CHL1: variants seen among roughly 807,000 people sequenced by gnomAD.
CHL1 encodes cell adhesion molecule L1 like.
A neutral mutation model predicts 141.9 loss-of-function variants in CHL1; 96 were observed. That is an observed-to-expected ratio of 0.68 (90% CI 0.57 to 0.80). The LOEUF (loss-of-function observed/expected upper bound fraction) is 0.80, where lower values mean the gene tolerates loss of function less well. Ranked by LOEUF, CHL1 falls within the 30% of genes least tolerant of loss-of-function variation. The pLI is 0.00. For missense variants in CHL1, 1,820 were observed against 1,457.2 expected (o/e 1.25, Z -4.05); for synonymous variants, 613 against 502.2 (o/e 1.22, Z -2.95).
chr3:337,477 A>G (rs1701983368), intron 5 of CHL1, among the ~76,000 whole-genome samples: 1 of 151,570 alleles, frequency 6.6e-6, no homozygotes, highest in Non-Finnish European at 1.5e-5. Flanking sequence ...TTAACTCATC[A>G]TTTACATTAG....
At chr3:257,950 T>C (rs1325210171) in intron 2 of CHL1, among the ~76,000 whole-genome samples, 2 of 152,178 alleles carry the variant, frequency 1.3e-5, no homozygotes, top group Non-Finnish European at 1.5e-5. Context: ...AAGGAGAAGA[T>C]GGAATCTGGA....
chr3:336,194 C>G (rs1220525729), intron 5 of CHL1, among the ~76,000 whole-genome samples: 1 of 152,036 alleles, frequency 6.6e-6, no homozygotes, highest in Non-Finnish European at 1.5e-5. Flanking sequence ...GTAACACATG[C>G]TACAGATGAG....
chr3:274,656 A>G (rs1695931910), intron 2 of CHL1, among the ~76,000 whole-genome samples: 1 of 152,244 alleles, frequency 6.6e-6, no homozygotes, highest in Non-Finnish European at 1.5e-5. Context: ...AGCAGCATAC[A>G]GTGTGATGCT....
intron 2 of CHL1, among the ~76,000 whole-genome samples, chr3:275,198 T>G (rs1695980110): frequency 6.6e-6 from 1 of 152,188 alleles, no homozygotes; most frequent in Non-Finnish European, 1.5e-5. Context: ...AGCTGCTAAG[T>G]GGTAGGGGTC....
At chr3:289,859 C>T (rs539025949) in intron 2 of CHL1, among the ~76,000 whole-genome samples, 7 of 150,308 alleles carry the variant, frequency 4.7e-5, no homozygotes, top group South Asian at 4.2e-4. Context: ...CATGTGCTTT[C>T]GAGCATCAAA....
chr3:230,461 T>C (rs148919632), intron 1 of CHL1, among the ~76,000 whole-genome samples: 2 of 152,182 alleles, frequency 1.3e-5, no homozygotes, highest in East Asian at 3.9e-4. Context: ...TGTTTTGTGT[T>C]TTGTGCCTTT....
At chr3:332,392 T>G (rs1416529785) in intron 5 of CHL1, among the ~76,000 whole-genome samples, 2 of 152,122 alleles carry the variant, frequency 1.3e-5, no homozygotes, top group African/African-American at 4.8e-5. Flanking sequence ...TAATTACCTG[T>G]AATGGAAGTA....
intron 2 of CHL1, among the ~76,000 whole-genome samples, chr3:277,124 T>G (rs1332565999): frequency 6.6e-6 from 1 of 152,150 alleles, no homozygotes; most frequent in Non-Finnish European, 1.5e-5. Flanking sequence ...ACACAATATG[T>G]GTTATGTAGT....
At chr3:242,899 G>T (rs34690392) in intron 1 of CHL1, among the ~76,000 whole-genome samples, 68,722 of 151,870 alleles carry the variant, frequency 0.45, 16,801 homozygotes, top group East Asian at 0.55. Flanking sequence ...AGTGAGAGTG[G>T]GGTGGGTAAT....
intron 3 of CHL1, among the ~76,000 whole-genome samples, chr3:320,847 C>G (rs192841961): frequency 1.9e-4 from 29 of 151,900 alleles, no homozygotes; most frequent in Non-Finnish European, 3.4e-4. Flanking sequence ...CATTTTTATC[C>G]GTATCATTCA....
At chr3:341,691 G>A (rs757510855) in intron 6 of CHL1, among the ~76,000 whole-genome samples, 1 of 152,110 alleles carries the variant, frequency 6.6e-6, no homozygotes, top group Non-Finnish European at 1.5e-5. Flanking sequence ...GACTTCTTTG[G>A]TTAATGGTAA....
At chr3:222,448 G>T (rs2124985756) in intron 1 of CHL1, among the ~76,000 whole-genome samples, 1 of 152,314 alleles carries the variant, frequency 6.6e-6, no homozygotes, top group East Asian at 1.9e-4. Flanking sequence ...GAGAATCACA[G>T]AGTGATTACC....
At chr3:386,624 T>G (rs1199277152) in intron 19 of CHL1, among the ~76,000 whole-genome samples, 1 of 152,152 alleles carries the variant, frequency 6.6e-6, no homozygotes, top group Non-Finnish European at 1.5e-5. Flanking sequence ...CATTTCAAAC[T>G]TAAAGGACAC....
chr3:224,207 G>C (rs942747040), intron 1 of CHL1, among the ~76,000 whole-genome samples: 19 of 152,078 alleles, frequency 1.2e-4, no homozygotes, highest in African/African-American at 4.6e-4. Flanking sequence ...TTGGGGAAGG[G>C]CTATTTTTAT....
intron 19 of CHL1, among the ~76,000 whole-genome samples, chr3:388,188 G>C (rs1707912951): frequency 6.6e-6 from 1 of 151,778 alleles, no homozygotes; most frequent in Admixed American, 6.6e-5. Flanking sequence ...CCACATTATT[G>C]TTTTTAAATT....
At chr3:382,693 G>A in intron 18 of CHL1, 22 bp downstream of exon 18, 2 of 1,600,492 alleles carry the variant, frequency 1.2e-6, no homozygotes, top group South Asian at 2.2e-5. Context: ...CTCACATCAG[G>A]TTTCTAACAA....
chr3:241,371 T>C (rs1267874941), intron 1 of CHL1, among the ~76,000 whole-genome samples: 1 of 152,192 alleles, frequency 6.6e-6, no homozygotes, highest in East Asian at 1.9e-4. Context: ...GGGTATGTTG[T>C]GTGAAAAGTA....
In CHL1 at chr3:237,518, G is replaced by C. The variant is rs930981467; in HGVS notation, c.-174-7095G>C. On this transcript the variant is annotated intron_variant, in intron 1 of 27. Coordinates refer to ENST00000256509, the MANE Select transcript of CHL1 (RefSeq NM_006614.4). ...AAGACTGAGGTATAATCAGTATGGA[G>C]TCCTTTTCTCAAAGTATTTTAGATG... Among the ~76,000 whole-genome samples, 3 of 152,206 alleles carry C rather than the reference G, an allele frequency of 2.0e-5. No individual in the cohort carries two copies. The South Asian group carries it at 6.2e-4, about 32-fold the overall frequency.
At chr3:342,657 T>C (rs1040515324) in intron 7 of CHL1, among the ~76,000 whole-genome samples, 1 of 152,190 alleles carries the variant, frequency 6.6e-6, no homozygotes, top group African/African-American at 2.4e-5. Flanking sequence ...AAAGTTGGCA[T>C]TACCATTTCA....
Sources: gnomAD v4.1 joint callset for allele counts (sites outside exome capture counted in the v4.1 genomes callset) on GRCh38, gnomAD v4.1.1 for gene constraint, MANE v1.5 for transcripts, NCBI Gene and HGNC (gene_info 2026-07-23, HGNC 2026-07-21) for gene names.